Variants in IL15RA observed in about 807,000 individuals in gnomAD.
IL15RA encodes interleukin 15 receptor subunit alpha, also known as interleukin-15 receptor subunit alpha.
Under a neutral mutation model 24.2 loss-of-function variants are expected in IL15RA, and 26 were observed. That is an observed-to-expected ratio of 1.07 (90% CI 0.79 to 1.49). The LOEUF is 1.49. Ranked by LOEUF, IL15RA falls within the 40% of genes most tolerant of loss-of-function variation. The pLI is 0.00. For missense variants in IL15RA, 354 were observed against 356.4 expected (o/e 0.99, Z 0.05); for synonymous variants, 166 against 157.6 (o/e 1.05, Z -0.40).
At position 5,964,529 on chromosome 10, in the gene IL15RA, C is replaced by T. The variant is rs8177781; in HGVS notation, c.284-688G>A. The stretch of plus-strand genomic sequence containing the variant: ...AAGCACAAGAGTTTGGGAAGCATAA[C>T]AGAGGGAGTTGTGAGTGATCAGAAC... On this transcript the variant is annotated intron_variant, in intron 2 of 6. Coordinates refer to ENST00000379977, the MANE Select transcript of IL15RA (RefSeq NM_002189.4). The surrounding 1 kb of genome is among the most constrained non-coding windows in gnomAD (Gnocchi z 5.6). Among the ~76,000 whole-genome samples the T allele has an allele frequency of 1.3e-5, 2 of 152,220 alleles. No individual in the cohort carries two copies. Among genetic ancestry groups the T allele is most frequent in the Non-Finnish European group, 2.9e-5 (2 of 68,014 alleles).
At position 5,968,570 on chromosome 10, in the gene IL15RA, G is replaced by A. The variant is rs752949223; in HGVS notation, c.89-2231C>T. 36 of 571,242 alleles carry A rather than the reference G, an allele frequency of 6.3e-5. No homozygotes were observed. The highest frequency in any genetic ancestry group is 9.7e-5 in the Non-Finnish European group (31 of 319,484). 35.4% of individuals were successfully genotyped at this position (571,242 alleles called of 1,614,324 possible). On this transcript the variant is annotated intron_variant, in intron 1 of 6. Transcript: ENST00000379977. This position sits in a 1 kb window ranked among gnomAD's most constrained non-coding sequence, Gnocchi z 5.4. ...TCTCACAAGTTGTTGAGGTGGATTT[G>A]GATGCTGCTGTTGCTATGGTTACCT...
chr10:5,959,805 A>G lies in IL15RA; in HGVS notation c.584-19T>C. On this transcript the variant is annotated intron_variant, in intron 4 of 6. Coordinates refer to ENST00000379977, the MANE Select transcript of IL15RA (RefSeq NM_002189.4). This position sits in a 1 kb window ranked among gnomAD's most constrained non-coding sequence, Gnocchi z 4.1. ...TACACACCTGCGGAAAAGAGAGGAC[A>G]GCATCACGGCTCGAGTCCTAGAGGT... The G allele has an allele frequency of 6.2e-7, 1 of 1,613,680 alleles. No individual in the cohort carries two copies.
chr10:5,976,677 C>T (rs1838496430), intron 1 of IL15RA, among the ~76,000 whole-genome samples: 1 of 152,112 alleles, frequency 6.6e-6, no homozygotes, highest in Non-Finnish European at 1.5e-5. Flanking sequence ...TCGCTCATTC[C>T]GTCCTCCCTG....
At chr10:5,951,141 C>CAAAAAAAAAAAAAA (rs60771366), downstream of IL15RA, among the ~76,000 whole-genome samples, 79 of 35,954 alleles carry the variant, frequency 2.2e-3, 1 homozygote, top group African/African-American at 3.9e-3. Context: ...GACTCAGTCT[C>CAAAAAAAAAAAAAA]AAAAAAAAAA....
rs200421266 is a variant in IL15RA, at chr10:5,960,348, G to A, written c.583+19C>T. 3.1e-4 allele frequency: 501 copies of A among 1,611,334 alleles called. 1 individual carries two copies. In the African/African-American group the frequency reaches 6.0e-3, roughly 19 times the overall value. ...AGCAATGGGGAACTGACCTCTCCTG[G>A]GGCAAAGCGAGTGCTAACCTGGCGG... On this transcript the variant is annotated intron_variant, in intron 4 of 6. Transcript: ENST00000379977. This position sits in a 1 kb window ranked among gnomAD's most constrained non-coding sequence, Gnocchi z 5.1.
At chr10:5,969,331 T>A (rs1837185845) in intron 1 of IL15RA, among the ~76,000 whole-genome samples, 1 of 145,938 alleles carries the variant, frequency 6.9e-6, no homozygotes, top group Admixed American at 7.0e-5. Context: ...ATTTTTAAAA[T>A]TAAAATTTTT....
Position 5,955,787 on chromosome 10 carries a change from C to T in IL15RA, c.692+592G>A, listed in dbSNP as rs1418903244. The stretch of plus-strand genomic sequence containing the variant: ...TTCAAGAATATATTCATGAGGGTAT[C>T]ACAAGAAGAATGGGTAGGACTGCAC... On this transcript the variant is annotated intron_variant, in intron 6 of 6. Coordinates refer to ENST00000379977, the MANE Select transcript of IL15RA (RefSeq NM_002189.4). The surrounding 1 kb of genome is among the most constrained non-coding windows in gnomAD (Gnocchi z 5.3). Among the ~76,000 whole-genome samples, 2 of 152,156 alleles carry T rather than the reference C, an allele frequency of 1.3e-5. No individual in the cohort carries two copies. Among genetic ancestry groups the T allele is most frequent in the African/African-American group, 4.8e-5 (2 of 41,436 alleles).
rs748328487 is a variant in IL15RA at position 5,959,778 on chromosome 10, G to T, written c.592C>A (p.Pro198Thr). ...CCAGTGGTGTCGCTGTGGCCCTGTG[G>T]ATACACACCTGCGGAAAAGAGAGGA... ...SASHQPPGVY[P>T]QGHSDTTVAI... is the part of the protein sequence containing the mutation. Residue 198 changes from proline (P) to threonine (T), a missense_variant, in exon 5 of 7, where the codon CCA becomes ACA. Physicochemically the swap from Pro to Thr is conservative, Grantham distance 38. Coordinates refer to ENST00000379977, the MANE Select transcript of IL15RA (RefSeq NM_002189.4). The surrounding 1 kb of genome is among the most constrained non-coding windows in gnomAD (Gnocchi z 4.1). 3.1e-6 allele frequency: 5 copies of T among 1,613,956 alleles called. No homozygotes were observed. In the South Asian group the frequency reaches 4.4e-5, roughly 14 times the overall value.
chr10:5,961,415 A>G lies in IL15RA; in HGVS notation c.383-848T>C, dbSNP rs1196008742. Among the ~76,000 whole-genome samples the G allele has an allele frequency of 1.8e-4, 17 of 96,200 alleles. No individual in the cohort carries two copies. In the Admixed American group the frequency reaches 2.4e-3, roughly 14 times the overall value. 63.1% of individuals were successfully genotyped at this position (96,200 alleles called of 152,430 possible). A position where few individuals can be genotyped will look rare whatever the true frequency, so the allele number is the denominator to read the frequency against. On this transcript the variant is annotated intron_variant, in intron 3 of 6. Transcript: ENST00000379977. The surrounding 1 kb of genome is among the most constrained non-coding windows in gnomAD (Gnocchi z 5.2). ...TGAGACCCCTGTCTCTTAAAAAAAA[A>G]GGTGGGGGGAAGAAAAGAAAAGGTG...
rs374444467 is a variant in IL15RA at position 5,952,958 on chromosome 10, A to C, written c.*137T>G. 1.4e-6 allele frequency: 1 copy of C among 694,436 alleles called. No individual in the cohort carries two copies. The highest frequency in any genetic ancestry group is 2.6e-5 in the Admixed American group (1 of 38,192). The allele number at this position is 694,436 out of a possible 1,614,324, so 43.0% of individuals were successfully genotyped here. A position where few individuals can be genotyped will look rare whatever the true frequency, so the allele number is the denominator to read the frequency against. ...GGAGGCGCCGACCCGGCAGTCCGTG[A>C]GATCCTGCTGGGACTTCTGAGAGGC... On this transcript the variant is annotated 3_prime_UTR_variant, in exon 7 of 7. Transcript: ENST00000379977.
rs41294171 is a variant in IL15RA, at chr10:5,963,793, G to A, written c.332C>T (p.Thr111Met). The change falls in exon 3 of 7, where the codon ACG becomes ATG. Residue 111 changes from threonine (T) to methionine (M), a missense_variant. By Grantham distance (81) the Thr-to-Met change is moderately conservative. Transcript: ENST00000379977. The surrounding 1 kb of genome is among the most constrained non-coding windows in gnomAD (Gnocchi z 5.3). ...TGGCTGTGGGGTCACCCCTGCCGTC[G>A]TTACTGTGGAGGGTGGCGCTGGCCT... Reference protein sequence around the residue: ...HQRPAPPSTVTTAGVTPQPES... With the variant: ...HQRPAPPSTVMTAGVTPQPES... 5.4e-3 allele frequency: 8,327 copies of A among 1,535,744 alleles called. 43 individuals carry two copies. Among genetic ancestry groups the A allele is most frequent in the East Asian group, 0.021 (824 of 39,182 alleles).
Position 5,952,857 on chromosome 10 carries a change from C to A in IL15RA, c.*238G>T. 3.4e-6 allele frequency: 2 copies of A among 591,644 alleles called. No individual in the cohort carries two copies. The highest frequency in any genetic ancestry group is 6.0e-6 in the Non-Finnish European group (2 of 333,176). 36.6% of individuals were successfully genotyped at this position (591,644 alleles called of 1,614,324 possible). A position where few individuals can be genotyped will look rare whatever the true frequency, so the allele number is the denominator to read the frequency against. On this transcript the variant is annotated 3_prime_UTR_variant, in exon 7 of 7. Transcript: ENST00000379977. ...GAAGCCTTTGGTCTCTCCTGGGAAGCTGGGCCCTGGGTCCAAGGCACGACA... is the reference window on the plus strand; with the variant it reads ...GAAGCCTTTGGTCTCTCCTGGGAAGATGGGCCCTGGGTCCAAGGCACGACA...
chr10:5,966,892 AACCTG>A lies in IL15RA; in HGVS notation c.89-558_89-554del, dbSNP rs1836650999. On this transcript the variant is annotated intron_variant, in intron 1 of 6. Transcript: ENST00000379977. This position sits in a 1 kb window ranked among gnomAD's most constrained non-coding sequence, Gnocchi z 6.4. Reference sequence around the variant, plus strand: ...GAGGCTGAGGCAGGAGAATTGCTTGAACCTGGGAGGCAGAGGTTGCAGTGAGCCAC... The same window carrying A: ...GAGGCTGAGGCAGGAGAATTGCTTGAGGAGGCAGAGGTTGCAGTGAGCCAC... 6.6e-6 allele frequency among the ~76,000 whole-genome samples: 1 copy of A among 151,854 alleles called. No individual in the cohort carries two copies.
In IL15RA at chr10:5,958,300, C is replaced by A; in HGVS notation, c.616+1454G>T. 1 of 454,278 alleles carries A rather than the reference C, an allele frequency of 2.2e-6. No individual in the cohort carries two copies. The highest frequency in any genetic ancestry group is 4.4e-6 in the Non-Finnish European group (1 of 225,732). The allele number at this position is 454,278 out of a possible 1,614,324, so 28.1% of individuals were successfully genotyped here. On this transcript the variant is annotated intron_variant, in intron 5 of 6. Coordinates refer to ENST00000379977, the MANE Select transcript of IL15RA (RefSeq NM_002189.4). This position sits in a 1 kb window ranked among gnomAD's most constrained non-coding sequence, Gnocchi z 4.3. ...CTTATCCTCTATATGTTTATTTATACAGTCTCTCTGGAAGGATGCCTGGAA... is the reference window on the plus strand; with the variant it reads ...CTTATCCTCTATATGTTTATTTATAAAGTCTCTCTGGAAGGATGCCTGGAA...
intron 6 of IL15RA, among the ~76,000 whole-genome samples, chr10:5,956,010 G>T (rs986175341): frequency 3.9e-5 from 6 of 152,018 alleles, no homozygotes; most frequent in African/African-American, 1.4e-4. Flanking sequence ...CTATGGTGGG[G>T]CTCTTTTCTT....
Position 5,955,626 on chromosome 10 carries a change from A to T in IL15RA, c.692+753T>A, listed in dbSNP as rs8177727. Among the ~76,000 whole-genome samples, 4 of 152,380 alleles carry T rather than the reference A, an allele frequency of 2.6e-5. No homozygotes were observed. Among genetic ancestry groups the T allele is most frequent in the East Asian group, 1.9e-4 (1 of 5,196 alleles). Reference sequence around the variant, plus strand: ...AAAGATTAAAAAAATGAGAAAAATTAAAAAAGTTAGCAAGTGGCAGAAATA... The same window carrying T: ...AAAGATTAAAAAAATGAGAAAAATTTAAAAAGTTAGCAAGTGGCAGAAATA... On this transcript the variant is annotated intron_variant, in intron 6 of 6. Coordinates refer to ENST00000379977, the MANE Select transcript of IL15RA (RefSeq NM_002189.4). This position sits in a 1 kb window ranked among gnomAD's most constrained non-coding sequence, Gnocchi z 5.3.
chr10:5,968,891 G>A lies in IL15RA; in HGVS notation c.89-2552C>T, dbSNP rs1474205240. On this transcript the variant is annotated intron_variant, in intron 1 of 6. Transcript: ENST00000379977. This position sits in a 1 kb window ranked among gnomAD's most constrained non-coding sequence, Gnocchi z 5.4. ...CATGGTTGAAGCTTTCAGATATTCT[G>A]CTCCTTCCCGCCAGGACAGCCAGCC... is the stretch of plus-strand genomic sequence containing the variant. 2 of 1,349,950 alleles carry A rather than the reference G, an allele frequency of 1.5e-6. No individual in the cohort carries two copies. The highest frequency in any genetic ancestry group is 2.5e-5 in the East Asian group (1 of 40,104). 83.6% of individuals were successfully genotyped at this position (1,349,950 alleles called of 1,614,324 possible).
Position 5,961,986 on chromosome 10 carries a change from C to G in IL15RA, c.383-1419G>C, listed in dbSNP as rs980665842. Among the ~76,000 whole-genome samples, 1 of 152,202 alleles carries G rather than the reference C, an allele frequency of 6.6e-6. No individual in the cohort carries two copies. The highest frequency in any genetic ancestry group is 1.5e-5 in the Non-Finnish European group (1 of 68,028). ...CACCAAGGCATCCTCAGCCAAGTGC[C>G]CACGGTCGTGCCAGCTCGGGTCAAA... On this transcript the variant is annotated intron_variant, in intron 3 of 6. Transcript: ENST00000379977. The surrounding 1 kb of genome is among the most constrained non-coding windows in gnomAD (Gnocchi z 5.2).
rs777818348 is a variant in IL15RA, at chr10:5,960,409, T to C, written c.541A>G (p.Lys181Glu). 2.1e-5 allele frequency: 34 copies of C among 1,613,940 alleles called. No homozygotes were observed. The highest frequency in any genetic ancestry group is 1.1e-5 in the South Asian group (1 of 91,066). ...GCGGATGCTGTGAGTTCCCAGTTCTTGGCTGTTGTCTGAGAGGGGGTGCCG... is the reference window on the plus strand; with the variant it reads ...GCGGATGCTGTGAGTTCCCAGTTCTCGGCTGTTGTCTGAGAGGGGGTGCCG... ...SHGTPSQTTAKNWELTASASH... is the reference protein window; with the variant it reads ...SHGTPSQTTAENWELTASASH... Residue 181 changes from lysine (K) to glutamate (E), a missense_variant, in exon 4 of 7, where the codon AAG (lysine) becomes GAG (glutamate). Transcript: ENST00000379977. This position sits in a 1 kb window ranked among gnomAD's most constrained non-coding sequence, Gnocchi z 5.1.
Sources: gnomAD v4.1 joint callset for allele counts (sites outside exome capture counted in the v4.1 genomes callset) on GRCh38, gnomAD v4.1.1 for gene constraint, Gnocchi (gnomAD v3.1) non-coding constraint, MANE v1.5 for transcripts, NCBI Gene and HGNC (gene_info 2026-07-23, HGNC 2026-07-21) for gene names.